RGS18: variants seen among roughly 807,000 people sequenced by gnomAD.
RGS18 encodes regulator of G protein signaling 18.
A neutral mutation model predicts 27.6 loss-of-function variants in RGS18; 22 were observed. The ratio of observed to expected loss-of-function variants is 0.80; its 90% CI spans 0.57 to 1.14. The LOEUF (loss-of-function observed/expected upper bound fraction) is 1.14, where lower values mean the gene tolerates loss of function less well. Ranked by LOEUF, RGS18 falls within the 50% of genes most tolerant of loss-of-function variation. RGS18 has a pLI of 0.00. For missense variants in RGS18, 299 were observed against 269.6 expected (o/e 1.11, Z -0.76); for synonymous variants, 89 against 84.6 (o/e 1.05, Z -0.29).
intron 3 of RGS18, among the ~76,000 whole-genome samples, chr1:192,172,895 A>ATG (rs1316124850): frequency 1.4e-5 from 2 of 147,492 alleles, no homozygotes; most frequent in African/African-American, 2.5e-5. Flanking sequence ...ATATATATAT[A>ATG]TACACATATG....
At chr1:192,178,491 T>G (rs1656395670) in intron 3 of RGS18, among the ~76,000 whole-genome samples, 1 of 151,538 alleles carries the variant, frequency 6.6e-6, no homozygotes, top group African/African-American at 2.4e-5. Context: ...GTCAGAGGTG[T>G]AATAGGAAAC....
chr1:192,172,660 C>G (rs1022777001), intron 3 of RGS18, among the ~76,000 whole-genome samples: 3 of 151,740 alleles, frequency 2.0e-5, no homozygotes, highest in African/African-American at 7.3e-5. Flanking sequence ...GGTCACATCT[C>G]TCTGATCTAC....
chr1:192,164,555 G>GTAAT (rs1656130631), intron 3 of RGS18, among the ~76,000 whole-genome samples: 1 of 151,982 alleles, frequency 6.6e-6, no homozygotes, highest in African/African-American at 2.4e-5. Context: ...TTATGCATCA[G>GTAAT]TGTTGTTTCA....
intron 3 of RGS18, among the ~76,000 whole-genome samples, chr1:192,166,877 A>G (rs949192784): frequency 6.6e-6 from 1 of 152,310 alleles, no homozygotes; most frequent in South Asian, 2.1e-4. Context: ...GCTGACTTAT[A>G]GAAAGAGATT....
At chr1:192,180,510 TC>T (rs1656432291) in intron 3 of RGS18, among the ~76,000 whole-genome samples, 2 of 151,618 alleles carry the variant, frequency 1.3e-5, no homozygotes, top group South Asian at 4.2e-4. Flanking sequence ...GAAAAAGAGG[TC>T]CCATGCTGTA....
At chr1:192,162,068 A>C (rs1407616579) in intron 3 of RGS18, among the ~76,000 whole-genome samples, 1 of 152,218 alleles carries the variant, frequency 6.6e-6, no homozygotes, top group Non-Finnish European at 1.5e-5. Flanking sequence ...TTAAGGATGT[A>C]ATCAATGAGA....
intron 3 of RGS18, 65 bp from the exon 4 acceptor site, chr1:192,181,227 A>G: frequency 1.1e-6 from 1 of 894,310 alleles, no homozygotes; most frequent in Non-Finnish European, 1.7e-6. Flanking sequence ...ATGTTTTATT[A>G]TCAATCAGTA....
chr1:192,158,787 T>C, intron 1 of RGS18, 31 bp downstream of exon 1: 4 of 1,415,072 alleles, frequency 2.8e-6, no homozygotes, highest in Non-Finnish European at 2.9e-6. Flanking sequence ...GTCAGCCTTA[T>C]ACTTTTAAAA....
At chr1:192,178,661 A>C (rs2102159526) in intron 3 of RGS18, among the ~76,000 whole-genome samples, 1 of 151,728 alleles carries the variant, frequency 6.6e-6, no homozygotes, top group Middle Eastern at 3.4e-3. Context: ...TTGAATGGAA[A>C]CCACATTTTT....
chr1:192,166,807 A>G (rs111953860), intron 3 of RGS18, among the ~76,000 whole-genome samples: 100 of 152,310 alleles, frequency 6.6e-4, no homozygotes, highest in African/African-American at 2.3e-3. Flanking sequence ...TTTTTTGTCC[A>G]TGGTAAACCT....
intron 2 of RGS18, 76 bp downstream of exon 2, chr1:192,159,397 G>A (rs1656031206): frequency 3.2e-6 from 3 of 925,128 alleles, no homozygotes; most frequent in Admixed American, 2.2e-5. Context: ...TGCAGTTAGG[G>A]ATTTCTGATT....
chr1:192,185,008 A>G lies in RGS18; in HGVS notation c.*454A>G, dbSNP rs1178662324. 2 of 171,322 alleles carry G rather than the reference A, an allele frequency of 1.2e-5. No individual in the cohort carries two copies. Among genetic ancestry groups the G allele is most frequent in the Admixed American group, 1.1e-4 (2 of 17,530 alleles). 10.6% of individuals were successfully genotyped at this position (171,322 alleles called of 1,614,324 possible). The stretch of plus-strand genomic sequence containing the variant: ...TAATGAATGTTCTCTTTTTTTTGGT[A>G]ATAGTGTAGAAGTGATCTGGTTCTT... On this transcript the variant is annotated 3_prime_UTR_variant, in exon 5 of 5. Transcript: ENST00000367460.
intron 4 of RGS18, among the ~76,000 whole-genome samples, chr1:192,181,795 T>C (rs1021329056): frequency 1.3e-4 from 19 of 151,558 alleles, no homozygotes; most frequent in Admixed American, 1.2e-3. Flanking sequence ...CACCAGAACT[T>C]ATTCTTCCTA....
chr1:192,173,046 AAAC>A (rs1322951991), intron 3 of RGS18, among the ~76,000 whole-genome samples: 4 of 151,414 alleles, frequency 2.6e-5, no homozygotes, highest in Non-Finnish European at 5.9e-5. Context: ...CAAAACCTCT[AAAC>A]ATGTTATAAA....
At chr1:192,177,291 C>T (rs192725457) in intron 3 of RGS18, among the ~76,000 whole-genome samples, 2 of 150,982 alleles carry the variant, frequency 1.3e-5, no homozygotes, top group African/African-American at 4.8e-5. Context: ...ATGTTACCAG[C>T]TCTGATTGTC....
chr1:192,167,807 A>G (rs1476240284), intron 3 of RGS18: 1 of 152,208 alleles, frequency 6.6e-6, no homozygotes, highest in Non-Finnish European at 1.5e-5. Context: ...ATCATTTATT[A>G]TGGCAAAAGA....
chr1:192,179,627 G>C (rs1656416196), intron 3 of RGS18, among the ~76,000 whole-genome samples: 1 of 151,488 alleles, frequency 6.6e-6, no homozygotes, highest in African/African-American at 2.4e-5. Context: ...CAGCAACAAA[G>C]AGAAACAAAC....
chr1:192,169,704 CA>C (rs1355548581), intron 3 of RGS18: 2 of 151,954 alleles, frequency 1.3e-5, no homozygotes, highest in Non-Finnish European at 2.9e-5. Context: ...GTCCTGCTTC[CA>C]GTTTTTTCTT....
chr1:192,160,714 A>G (rs1656054833), intron 3 of RGS18: 1 of 370,688 alleles, frequency 2.7e-6, no homozygotes, highest in South Asian at 6.3e-5. Context: ...CGATTTTTGA[A>G]TGAAATCTTC....
Sources: gnomAD v4.1 joint callset for allele counts (sites outside exome capture counted in the v4.1 genomes callset) on GRCh38, gnomAD v4.1.1 for gene constraint, MANE v1.5 for transcripts, NCBI Gene and HGNC (gene_info 2026-07-23, HGNC 2026-07-21) for gene names.